The following LIPK variants were observed in gnomAD, a reference collection of about 807,000 sequenced individuals.
The protein encoded by LIPK is lipase family member K.
LIPK carries 32 observed loss-of-function variants against 48.6 expected under a neutral mutation model. The observed-to-expected ratio is 0.66, with a 90% CI of 0.50 to 0.88. LIPK has a LOEUF of 0.88. LIPK is among the 40% of genes least tolerant of loss of function. LIPK has a pLI of 0.00. For synonymous variants in LIPK, 164 were observed against 157.4 expected (o/e 1.04, Z -0.32); for missense variants, 507 against 478.5 (o/e 1.06, Z -0.56).
At chr10:88,721,672 TAC>T (rs1319689913) in intron 1 of LIPK, among the ~76,000 whole-genome samples, 4 of 152,110 alleles carry the variant, frequency 2.6e-5, no homozygotes, top group Non-Finnish European at 1.5e-5. Context: ...CCTGCAACAT[TAC>T]AACACCGACA....
intron 1 of LIPK, among the ~76,000 whole-genome samples, chr10:88,723,806 T>G (rs976410185): frequency 1.3e-5 from 2 of 152,096 alleles, no homozygotes; most frequent in African/African-American, 4.8e-5. Context: ...TGTGTCATCA[T>G]TGAACTCAAA....
At chr10:88,735,139 T>C (rs1000604896) in intron 6 of LIPK, among the ~76,000 whole-genome samples, 2 of 152,232 alleles carry the variant, frequency 1.3e-5, no homozygotes, top group Non-Finnish European at 2.9e-5. Flanking sequence ...CTGCCTATTG[T>C]AACCTTGGAC....
chr10:88,707,984 A>C (rs1303625584), intron 1 of LIPK, among the ~76,000 whole-genome samples: 1 of 152,164 alleles, frequency 6.6e-6, no homozygotes, highest in African/African-American at 2.4e-5. Context: ...GTAAACACCC[A>C]GTGGGTTTTT....
At chr10:88,729,793 T>C (rs1025159987) in intron 3 of LIPK, among the ~76,000 whole-genome samples, 1 of 152,074 alleles carries the variant, frequency 6.6e-6, no homozygotes, top group African/African-American at 2.4e-5. Context: ...TCTCTGAGAG[T>C]ACAACTTACT....
At chr10:88,739,434 G>A (rs1247976498) in intron 7 of LIPK, among the ~76,000 whole-genome samples, 1 of 152,178 alleles carries the variant, frequency 6.6e-6, no homozygotes. Context: ...CCCGTGGGAT[G>A]CCCTCTGTAG....
chr10:88,743,302 A>G lies in LIPK; in HGVS notation c.941A>G (p.Asn314Ser), dbSNP rs1386483568. 1 of 1,592,320 alleles carries G rather than the reference A, an allele frequency of 6.3e-7. No individual in the cohort carries two copies. Among genetic ancestry groups the G allele is most frequent in the South Asian group, 1.1e-5 (1 of 87,928 alleles). The change falls in exon 9 of 10, where the codon AAC becomes AGC. Residue 314 changes from asparagine (N) to serine (S), a missense_variant. Asn to Ser is a conservative substitution (Grantham distance 46). Transcript: ENST00000404190. ...TTTGATTGGGGAAACTCTGATCAGA[A>G]CATGATGCACTTCCATCAGGTACAA... ...QAFDWGNSDQ[N>S]MMHFHQLTPP... is the part of the protein sequence containing the mutation.
At chr10:88,726,950 A>G (rs932960074) in intron 3 of LIPK, 38 bp downstream of exon 3, 6 of 1,209,930 alleles carry the variant, frequency 5.0e-6, no homozygotes, top group Non-Finnish European at 7.2e-6. Flanking sequence ...AAATACTTAA[A>G]GCAGAGGTAC....
At chr10:88,727,947 C>T in intron 3 of LIPK, 1 of 362,696 alleles carries the variant, frequency 2.8e-6, no homozygotes, top group East Asian at 7.0e-5. Flanking sequence ...ACATGGAGAG[C>T]TGCATCAACA....
intron 1 of LIPK, among the ~76,000 whole-genome samples, chr10:88,721,762 A>G (rs571212582): frequency 2.6e-5 from 4 of 152,182 alleles, no homozygotes; most frequent in Non-Finnish European, 5.9e-5. Context: ...ATTTTGATTC[A>G]GAGGCCTCAA....
At chr10:88,738,003 C>T (rs966944367) in intron 7 of LIPK, among the ~76,000 whole-genome samples, 1 of 152,100 alleles carries the variant, frequency 6.6e-6, no homozygotes, top group African/African-American at 2.4e-5. Flanking sequence ...CTCTTCTTAC[C>T]CGAAACGTCC....
intron 1 of LIPK, among the ~76,000 whole-genome samples, chr10:88,718,944 A>T (rs1362850212): frequency 6.6e-6 from 1 of 152,196 alleles, no homozygotes; most frequent in Non-Finnish European, 1.5e-5. Context: ...TATTTTTCAT[A>T]AGTCAATTGA....
chr10:88,719,873 C>G (rs1842189487), intron 1 of LIPK, among the ~76,000 whole-genome samples: 1 of 152,170 alleles, frequency 6.6e-6, no homozygotes, highest in Non-Finnish European at 1.5e-5. Flanking sequence ...TGAGAAATTG[C>G]TATCCTTGAT....
chr10:88,709,613 C>G (rs2134676328), intron 1 of LIPK, among the ~76,000 whole-genome samples: 1 of 152,152 alleles, frequency 6.6e-6, no homozygotes, highest in East Asian at 1.9e-4. Context: ...ATCTACTAAC[C>G]ACTCAAGTGC....
Position 88,737,765 on chromosome 10 carries a change from C to A in LIPK, c.800C>A (p.Pro267Gln), listed in dbSNP as rs533194011. 1.9e-6 allele frequency: 3 copies of A among 1,613,470 alleles called. No homozygotes were observed. The highest frequency in any genetic ancestry group is 1.6e-4 in the Middle Eastern group (1 of 6,078). The change falls in exon 7 of 10, where the codon CCG becomes CAG. Residue 267 changes from proline to glutamine, a missense_variant. Physicochemically the swap from Pro to Gln is moderately conservative, Grantham distance 76. Coordinates refer to ENST00000404190, the MANE Select transcript of LIPK (RefSeq NM_001080518.2). ...NFLFTLSGFD[P>Q]QNLNMSRLDV... ...CTATTTACTCTGAGTGGATTTGATC[C>A]GCAAAACTTAAATATGGTAGGTGTA...
intron 6 of LIPK, among the ~76,000 whole-genome samples, chr10:88,735,508 A>G (rs1842553635): frequency 6.6e-6 from 1 of 152,164 alleles, no homozygotes; most frequent in African/African-American, 2.4e-5. Context: ...AGTCTTTTTT[A>G]TAGGTGGAAA....
chr10:88,710,031 C>T (rs1359709470), intron 1 of LIPK, among the ~76,000 whole-genome samples: 1 of 151,660 alleles, frequency 6.6e-6, no homozygotes, highest in Non-Finnish European at 1.5e-5. Context: ...AATTCTTTTG[C>T]CCAACAACTT....
intron 9 of LIPK, among the ~76,000 whole-genome samples, chr10:88,743,869 T>C (rs1842724248): frequency 6.6e-6 from 1 of 152,172 alleles, no homozygotes; most frequent in South Asian, 2.1e-4. Flanking sequence ...ACTATGGACC[T>C]ACCTGTAGGA....
At chr10:88,742,950 C>G (rs427541) in intron 8 of LIPK, among the ~76,000 whole-genome samples, 2 of 151,812 alleles carry the variant, frequency 1.3e-5, no homozygotes, top group Non-Finnish European at 2.9e-5. Context: ...CATTCAATTC[C>G]GCATCTTTAA....
intron 8 of LIPK, among the ~76,000 whole-genome samples, chr10:88,742,672 G>A (rs949341919): frequency 2.6e-5 from 4 of 152,272 alleles, no homozygotes; most frequent in African/African-American, 9.6e-5. Flanking sequence ...CATCACAGCA[G>A]GTGGCTTGAC....
Sources: gnomAD v4.1 joint callset for allele counts (sites outside exome capture counted in the v4.1 genomes callset) on GRCh38, gnomAD v4.1.1 for gene constraint, MANE v1.5 for transcripts, NCBI Gene and HGNC (gene_info 2026-07-23, HGNC 2026-07-21) for gene names.